SPAST: variants seen among roughly 807,000 people sequenced by gnomAD.
SPAST encodes spastic paraplegia 4 (autosomal dominant; spastin).
SPAST carries 30 observed loss-of-function variants against 76.6 expected under a neutral mutation model. The ratio of observed to expected loss-of-function variants is 0.39; its 90% CI spans 0.29 to 0.53. SPAST has a LOEUF of 0.53. SPAST is among the 20% of genes least tolerant of loss of function. The pLI, the probability that SPAST is intolerant of heterozygous loss-of-function variation, is 0.68. For missense variants in SPAST, 717 were observed against 770.5 expected, an observed-to-expected ratio of 0.93 and a Z score of 0.82; for synonymous variants, 305 against 281.0, an observed-to-expected ratio of 1.09 and a Z score of -0.86.
rs750966918 is a variant in SPAST at position 32,143,309 on chromosome 2, G to GA, written c.1537-25dup. On this transcript the variant is annotated intron_variant, in intron 13 of 16. Coordinates refer to ENST00000315285, the MANE Select transcript of SPAST (RefSeq NM_014946.4). ...GAATCATTAATTCTGAAATTAGACTGAATGATCATTTTTTAATATTTTTCA... is the reference window on the plus strand; with the variant it reads ...GAATCATTAATTCTGAAATTAGACTGAAATGATCATTTTTTAATATTTTTCA... 10 of 1,269,024 alleles carry GA rather than the reference G, an allele frequency of 7.9e-6. No individual in the cohort carries two copies. The African/African-American group carries it at 1.5e-4, about 19-fold the overall frequency. The allele number at this position is 1,269,024 out of a possible 1,614,324, so 78.6% of individuals were successfully genotyped here.
At chr2:32,085,281 A>G (rs537662735) in intron 1 of SPAST, among the ~76,000 whole-genome samples, 12 of 150,652 alleles carry the variant, frequency 8.0e-5, no homozygotes, top group East Asian at 1.9e-4. Context: ...ATCTGGTACA[A>G]TCACATCTTA....
Position 32,093,310 on chromosome 2 carries a change from C to CAA in SPAST, c.586+3727_586+3728dup, listed in dbSNP as rs34291087. Among the ~76,000 whole-genome samples the CAA allele has an allele frequency of 9.0e-3, 552 of 61,314 alleles. 7 individuals are homozygous for CAA. The highest frequency in any genetic ancestry group is 0.019 in the South Asian group (30 of 1,546). 40.2% of individuals were successfully genotyped at this position (61,314 alleles called of 152,430 possible). On this transcript the variant is annotated intron_variant, in intron 3 of 16. Transcript: ENST00000315285. ...TGGGTGACAGAGCGAGACTCCGTCT[C>CAA]AAAAAAAAAAAAAAAAAAAAAAATA... is the stretch of plus-strand genomic sequence containing the variant.
At chr2:32,073,973 C>T (rs912068693) in intron 1 of SPAST, among the ~76,000 whole-genome samples, 3 of 152,150 alleles carry the variant, frequency 2.0e-5, no homozygotes, top group South Asian at 2.1e-4. Context: ...CTCCAGTCAG[C>T]GATCTCCAGG....
In SPAST at chr2:32,150,998, G is replaced by A. The variant is rs538498570; in HGVS notation, c.1729-3376G>A. 4.0e-5 allele frequency among the ~76,000 whole-genome samples: 6 copies of A among 150,694 alleles called. No individual in the cohort carries two copies. In the Admixed American group the frequency reaches 4.0e-4, roughly 10 times the overall value. On this transcript the variant is annotated intron_variant, in intron 16 of 16. Transcript: ENST00000315285. ...TCGCTGTTGTTGCCCAGGCTGGAGT[G>A]CAATGGTGCAATCTCGGCTCACTGC... is the stretch of plus-strand genomic sequence containing the variant.
rs1482626341 is a variant in SPAST, at chr2:32,157,146, TA to T, written c.*2653del. The T allele has an allele frequency of 6.6e-6, 1 of 152,640 alleles. No individual in the cohort carries two copies. Among genetic ancestry groups the T allele is most frequent in the Non-Finnish European group, 1.5e-5 (1 of 68,026 alleles). 9.5% of individuals were successfully genotyped at this position (152,640 alleles called of 1,614,324 possible). A position where few individuals can be genotyped will look rare whatever the true frequency, so the allele number is the denominator to read the frequency against. On this transcript the variant is annotated 3_prime_UTR_variant, in exon 17 of 17. Coordinates refer to ENST00000315285, the MANE Select transcript of SPAST (RefSeq NM_014946.4). ...GTATTACTTCCTAAAAGATAATGCTTAAACATTAAGCATTAGTGTGCTCTTC... is the reference window on the plus strand; with the variant it reads ...GTATTACTTCCTAAAAGATAATGCTTAACATTAAGCATTAGTGTGCTCTTC...
chr2:32,119,013 A>C (rs1200186226), intron 7 of SPAST, among the ~76,000 whole-genome samples: 1 of 152,220 alleles, frequency 6.6e-6, no homozygotes, highest in East Asian at 1.9e-4. Flanking sequence ...GTTGCAAGTT[A>C]TTTCAAATAA....
chr2:32,103,302 C>T (rs1468753462), intron 4 of SPAST, among the ~76,000 whole-genome samples: 11 of 152,254 alleles, frequency 7.2e-5, no homozygotes, highest in East Asian at 3.9e-4. Context: ...TCTGTGGAAT[C>T]GGTGGTGATA....
intron 1 of SPAST, among the ~76,000 whole-genome samples, chr2:32,084,389 C>T (rs1677386191): frequency 6.6e-6 from 1 of 151,296 alleles, no homozygotes; most frequent in Admixed American, 6.6e-5. Flanking sequence ...TGGTCTCGAT[C>T]TCCTGACCTC....
rs1211139078 is a variant in SPAST, at chr2:32,083,780, T to A, written c.416-3712T>A. 1.4e-4 allele frequency among the ~76,000 whole-genome samples: 15 copies of A among 106,438 alleles called. No homozygotes were observed. In the East Asian group the frequency reaches 1.7e-3, roughly 12 times the overall value. 69.8% of individuals were successfully genotyped at this position (106,438 alleles called of 152,430 possible). A position where few individuals can be genotyped will look rare whatever the true frequency, so the allele number is the denominator to read the frequency against. ...TATATATATATATATATATATATTT[T>A]TTTTTTTTTTTGAGATGAAGTCATG... On this transcript the variant is annotated intron_variant, in intron 1 of 16. Coordinates refer to ENST00000315285, the MANE Select transcript of SPAST (RefSeq NM_014946.4).
chr2:32,120,223 A>G (rs1410862922), intron 7 of SPAST, among the ~76,000 whole-genome samples: 1 of 152,164 alleles, frequency 6.6e-6, no homozygotes, highest in South Asian at 2.1e-4. Flanking sequence ...ACCTCTTTAA[A>G]TAATCTTATA....
At chr2:32,153,985 A>C (rs1307166195) in intron 16 of SPAST, among the ~76,000 whole-genome samples, 3 of 152,104 alleles carry the variant, frequency 2.0e-5, no homozygotes, top group Non-Finnish European at 4.4e-5. Flanking sequence ...GCTGAGACAG[A>C]AGAATTGCTT....
Position 32,063,628 on chromosome 2 carries a change from G to A in SPAST, c.-204G>A. ...AAGGGAGGGGCCCGAGCCACCGACTGCAGGAGGAGAAGGGGTTGTGCTCCT... is the reference window on the plus strand; with the variant it reads ...AAGGGAGGGGCCCGAGCCACCGACTACAGGAGGAGAAGGGGTTGTGCTCCT... On this transcript the variant is annotated 5_prime_UTR_variant, in exon 1 of 17. Coordinates refer to ENST00000315285, the MANE Select transcript of SPAST (RefSeq NM_014946.4). 3.2e-6 allele frequency: 2 copies of A among 619,704 alleles called. No individual in the cohort carries two copies. Among genetic ancestry groups the A allele is most frequent in the South Asian group, 4.1e-5 (2 of 48,440 alleles). The allele number at this position is 619,704 out of a possible 1,614,324, so 38.4% of individuals were successfully genotyped here. A position where few individuals can be genotyped will look rare whatever the true frequency, so the allele number is the denominator to read the frequency against.
intron 4 of SPAST, among the ~76,000 whole-genome samples, chr2:32,113,471 G>A (rs767626040): frequency 2.0e-5 from 3 of 151,562 alleles, no homozygotes; most frequent in African/African-American, 2.4e-5. Context: ...CAAAGTAGTC[G>A]AGTGCTACTT....
At chr2:32,110,481 A>G (rs967141664) in intron 4 of SPAST, among the ~76,000 whole-genome samples, 4 of 139,914 alleles carry the variant, frequency 2.9e-5, no homozygotes, top group African/African-American at 1.0e-4. Flanking sequence ...AACTATATGT[A>G]TATGTAACTA....
At chr2:32,135,261 C>T (rs1049517297) in intron 9 of SPAST, among the ~76,000 whole-genome samples, 1 of 151,678 alleles carries the variant, frequency 6.6e-6, no homozygotes, top group Non-Finnish European at 1.5e-5. Flanking sequence ...TCCCGAGTAG[C>T]TGGGACTACA....
chr2:32,132,119 G>A (rs925632787), intron 9 of SPAST, among the ~76,000 whole-genome samples: 1 of 152,198 alleles, frequency 6.6e-6, no homozygotes, highest in Admixed American at 6.5e-5. Context: ...GCTAGGTGTG[G>A]TGGCTCATGC....
intron 7 of SPAST, among the ~76,000 whole-genome samples, chr2:32,125,939 C>T (rs1028558202): frequency 1.3e-5 from 2 of 152,044 alleles, no homozygotes; most frequent in Non-Finnish European, 2.9e-5. Flanking sequence ...GGACGACAGG[C>T]ACCCGCCACC....
intron 1 of SPAST, among the ~76,000 whole-genome samples, chr2:32,075,296 G>T (rs1462195080): frequency 6.6e-6 from 1 of 150,902 alleles, no homozygotes; most frequent in East Asian, 2.0e-4. Context: ...CGTGGTAGTG[G>T]GCGCCTGTAA....
At chr2:32,068,168 C>T (rs565324738) in intron 1 of SPAST, among the ~76,000 whole-genome samples, 183 of 151,650 alleles carry the variant, frequency 1.2e-3, no homozygotes, top group African/African-American at 3.9e-3. Flanking sequence ...TTAGTAGAGA[C>T]GGGGTTTCAC....
Sources: gnomAD v4.1 joint callset for allele counts (sites outside exome capture counted in the v4.1 genomes callset) on GRCh38, gnomAD v4.1.1 for gene constraint, MANE v1.5 for transcripts, NCBI Gene and HGNC (gene_info 2026-07-23, HGNC 2026-07-21) for gene names.